The following USP48 variants were observed in gnomAD, a reference collection of about 807,000 sequenced individuals.
USP48 encodes the protein ubiquitin specific peptidase 48, also known as ubiquitin carboxyl-terminal hydrolase 48.
USP48 carries 43 observed loss-of-function variants against 150.7 expected under a neutral mutation model. The ratio of observed to expected loss-of-function variants is 0.29; its 90% CI spans 0.22 to 0.37. The LOEUF (loss-of-function observed/expected upper bound fraction) is 0.37, where lower values mean the gene tolerates loss of function less well. Among genes scored for constraint, USP48 ranks in the 10% least tolerant of loss-of-function variants. The pLI is 1.00. For synonymous variants in USP48, 396 were observed against 425.9 expected (o/e 0.93, Z 0.86); for missense variants, 813 against 1,249.6 (o/e 0.65, Z 5.27).
chr1:21,718,799 G>A (rs1335020806), intron 14 of USP48, among the ~76,000 whole-genome samples: 8 of 151,956 alleles, frequency 5.3e-5, no homozygotes, highest in South Asian at 2.1e-4. Flanking sequence ...CTTGTGATCT[G>A]CCCACCTCGG....
At chr1:21,778,475 A>G (rs2152657769) in intron 1 of USP48, among the ~76,000 whole-genome samples, 1 of 152,080 alleles carries the variant, frequency 6.6e-6, no homozygotes, top group East Asian at 1.9e-4. Context: ...ACAATTCCTC[A>G]AAATATTAAA....
intron 15 of USP48, among the ~76,000 whole-genome samples, chr1:21,714,052 G>T (rs115572196): frequency 6.6e-6 from 1 of 152,048 alleles, no homozygotes; most frequent in Non-Finnish European, 1.5e-5. Context: ...TATCATCAAG[G>T]GCACTTCATA....
Position 21,753,082 on chromosome 1 carries a change from G to C in USP48, c.450C>G (p.Tyr150Ter). Residue 150 changes from tyrosine (Y) to a stop codon, truncating the protein, a stop_gained, in exon 4 of 27, where the codon TAC becomes TAG. Transcript: ENST00000308271. LOFTEE classifies it high-confidence loss of function. ...TACTGTTTTGCAACAAGGCAAACAA[G>C]TACTGGAGATGCTCACAAATTGTTT... ...EPQTICEHLQYLFALLQNSNR... is the reference protein window; with the variant it reads ...EPQTICEHLQ The C allele has an allele frequency of 6.2e-7, 1 of 1,611,082 alleles. No individual in the cohort carries two copies.
At chr1:21,714,593 T>C (rs1056072464) in intron 15 of USP48, among the ~76,000 whole-genome samples, 1 of 152,146 alleles carries the variant, frequency 6.6e-6, no homozygotes, top group African/African-American at 2.4e-5. Flanking sequence ...GAAGGGGAAC[T>C]TATGAAGTAG....
chr1:21,743,094 A>T (rs2097785953), intron 8 of USP48, among the ~76,000 whole-genome samples: 1 of 152,168 alleles, frequency 6.6e-6, no homozygotes. Context: ...TATATCAATA[A>T]CTGAGAAAGG....
chr1:21,707,038 G>T (rs1321529398), intron 15 of USP48, 170 bp from the exon 16 acceptor site: 4 of 815,284 alleles, frequency 4.9e-6, no homozygotes, highest in South Asian at 4.3e-5. Context: ...CTGAATTTCC[G>T]ATTTCATTTT....
At chr1:21,748,091 T>A in intron 7 of USP48, 47 bp downstream of exon 7, 6 of 1,590,872 alleles carry the variant, frequency 3.8e-6, no homozygotes, top group Non-Finnish European at 5.1e-6. Flanking sequence ...AGTCTGTACA[T>A]AGTAGACCAC....
intron 9 of USP48, among the ~76,000 whole-genome samples, chr1:21,735,185 T>C (rs1279533900): frequency 1.3e-5 from 2 of 152,228 alleles, no homozygotes; most frequent in Non-Finnish European, 2.9e-5. Context: ...CCTACCCACT[T>C]AAATAAACCT....
intron 25 of USP48, among the ~76,000 whole-genome samples, chr1:21,685,609 C>T (rs2097578545): frequency 6.6e-6 from 1 of 152,170 alleles, no homozygotes; most frequent in Non-Finnish European, 1.5e-5. Flanking sequence ...GCCACTGCGC[C>T]CAGCCGCTTT....
chr1:21,684,820 T>C (rs2097576370), intron 25 of USP48, among the ~76,000 whole-genome samples: 2 of 152,210 alleles, frequency 1.3e-5, no homozygotes, highest in Admixed American at 1.3e-4. Context: ...CCAGTGTATG[T>C]TCTTGGTGCC....
intron 10 of USP48, 89 bp downstream of exon 10, chr1:21,729,615 T>C: frequency 4.2e-6 from 6 of 1,420,744 alleles, no homozygotes; most frequent in South Asian, 1.6e-5. Flanking sequence ...TTTATCATAG[T>C]AACTAAAAGC....
chr1:21,747,716 G>A (rs1243857332), intron 7 of USP48, among the ~76,000 whole-genome samples: 1 of 152,098 alleles, frequency 6.6e-6, no homozygotes, highest in African/African-American at 2.4e-5. Flanking sequence ...GGGATTACAG[G>A]CGCCTGCCAC....
At chr1:21,771,638 G>A (rs941695350) in intron 1 of USP48, among the ~76,000 whole-genome samples, 1 of 151,920 alleles carries the variant, frequency 6.6e-6, no homozygotes, top group Non-Finnish European at 1.5e-5. Flanking sequence ...AGGGTTGAGA[G>A]GCTGGGTGCA....
Position 21,747,058 on chromosome 1 carries a change from A to G in USP48, c.991+9T>C, listed in dbSNP as rs1421455790. On this transcript the variant is annotated intron_variant, in intron 8 of 26. Coordinates refer to ENST00000308271, the MANE Select transcript of USP48 (RefSeq NM_032236.8). ...CATTATAATGTTTACTCCTCAGTAA[A>G]AATATTACCTTTATGTTCCACATAA... The G allele has an allele frequency of 4.4e-6, 7 of 1,594,924 alleles. No individual in the cohort carries two copies. The highest frequency in any genetic ancestry group is 6.0e-6 in the Non-Finnish European group (7 of 1,168,796).
chr1:21,737,246 C>T (rs760736450), intron 8 of USP48, among the ~76,000 whole-genome samples: 1 of 152,010 alleles, frequency 6.6e-6, no homozygotes, highest in Non-Finnish European at 1.5e-5. Flanking sequence ...CACATTAGCA[C>T]CTTCAGATCA....
chr1:21,757,545 C>A, intron 2 of USP48, 118 bp downstream of exon 2: 1 of 1,155,502 alleles, frequency 8.7e-7, no homozygotes, highest in Non-Finnish European at 1.2e-6. Flanking sequence ...TACTGCTTAT[C>A]TTAAAGCTGC....
In USP48 at chr1:21,715,545, G is replaced by A. The variant is rs921809690; in HGVS notation, c.1895-88C>T. 2.4e-5 allele frequency: 18 copies of A among 755,040 alleles called. No individual in the cohort carries two copies. The African/African-American group carries it at 2.7e-4, about 11-fold the overall frequency. 46.8% of individuals were successfully genotyped at this position (755,040 alleles called of 1,614,324 possible). A position where few individuals can be genotyped will look rare whatever the true frequency, so the allele number is the denominator to read the frequency against. On this transcript the variant is annotated intron_variant, in intron 14 of 26. Coordinates refer to ENST00000308271, the MANE Select transcript of USP48 (RefSeq NM_032236.8). The stretch of plus-strand genomic sequence containing the variant: ...CAGATATACTACTCTGCACAATTTG[G>A]AACAAAGAAAACTTTAAAACTCTGA...
intron 14 of USP48, among the ~76,000 whole-genome samples, chr1:21,719,504 C>A (rs1375415664): frequency 3.3e-5 from 5 of 152,144 alleles, no homozygotes; most frequent in African/African-American, 1.2e-4. Context: ...AATCCCAGCA[C>A]TTTGGGAAGC....
chr1:21,755,617 A>G (rs2097830881), intron 3 of USP48, among the ~76,000 whole-genome samples: 2 of 152,054 alleles, frequency 1.3e-5, no homozygotes, highest in African/African-American at 4.8e-5. Flanking sequence ...TCTGTCTTCT[A>G]ATCAGACTCT....
Sources: gnomAD v4.1 joint callset for allele counts (sites outside exome capture counted in the v4.1 genomes callset) on GRCh38, gnomAD v4.1.1 for gene constraint, MANE v1.5 for transcripts, NCBI Gene and HGNC (gene_info 2026-07-23, HGNC 2026-07-21) for gene names.